The following SASS6 variants were observed in gnomAD, a reference collection of about 807,000 sequenced individuals.
The protein encoded by SASS6 is spindle assembly abnormal protein 6 homolog.
A neutral mutation model predicts 94.9 loss-of-function variants in SASS6; 59 were observed. That is an observed-to-expected ratio of 0.62 (90% confidence interval 0.50 to 0.77). The LOEUF is 0.77. SASS6 is among the 30% of genes least tolerant of loss of function. The pLI is 0.00. For synonymous variants in SASS6, 264 were observed against 270.0 expected (o/e 0.98, Z 0.22); for missense variants, 698 against 734.1 (o/e 0.95, Z 0.57).
chr1:100,102,962 C>A lies in SASS6; in HGVS notation c.1667G>T (p.Gly556Val). ...SAKNTSHPGSGTKVQFNLQFT... is the reference protein window; with the variant it reads ...SAKNTSHPGSVTKVQFNLQFT... ...ATTAGTTAATTTGGCTACCTTTGTT[C>A]CTGAACCAGGGTGGCTGGTATTTTT... The change falls in exon 14 of 17, where the codon GGA becomes GTA. Residue 556 changes from glycine to valine, a missense_variant. Gly to Val is a moderately radical substitution (Grantham distance 109, BLOSUM62 -3). Transcript: ENST00000287482. The A allele has an allele frequency of 6.2e-7, 1 of 1,610,076 alleles. No individual in the cohort carries two copies. The highest frequency in any genetic ancestry group is 8.5e-7 in the Non-Finnish European group (1 of 1,178,372).
intron 15 of SASS6, among the ~76,000 whole-genome samples, chr1:100,086,513 A>ATT (rs11327228): frequency 5.1e-5 from 7 of 136,148 alleles, no homozygotes; most frequent in Non-Finnish European, 1.1e-4. Context: ...TAATGATTTG[A>ATT]TTTTTTTTTT....
chr1:100,088,160 G>C lies in SASS6; in HGVS notation c.1751C>G (p.Pro584Arg). 1 of 1,592,100 alleles carries C rather than the reference G, an allele frequency of 6.3e-7. No homozygotes were observed. Among genetic ancestry groups the C allele is most frequent in the South Asian group, 1.1e-5 (1 of 90,474 alleles). ...TTACTTTTCCTTATCAGTTGAGCAAGGCATACTAATAGTTGCTCCTGACTG... is the reference window on the plus strand; with the variant it reads ...TTACTTTTCCTTATCAGTTGAGCAACGCATACTAATAGTTGCTCCTGACTG... ...DVQSGATISMPCSTDKENGEN... is the reference protein window; with the variant it reads ...DVQSGATISMRCSTDKENGEN... Residue 584 changes from proline to arginine, a missense_variant, in exon 15 of 17, where the codon CCT becomes CGT. Transcript: ENST00000287482.
Position 100,085,431 on chromosome 1 carries a change from T to C in SASS6, c.1871A>G (p.His624Arg), listed in dbSNP as rs1337666238. 4 of 1,608,388 alleles carry C rather than the reference T, an allele frequency of 2.5e-6. No individual in the cohort carries two copies. The highest frequency in any genetic ancestry group is 2.2e-5 in the East Asian group (1 of 44,878). The change falls in exon 17 of 17, where the codon CAT becomes CGT. Residue 624 changes from histidine (H) to arginine (R), a missense_variant. Transcript: ENST00000287482. ...TGCTCCTAAAGTGCCATCTCTCTGA[T>C]GGTCTGCAAATGAGGACAAAAAAAG... ...LSQNLFSNSDHQRDGTLGALH... is the reference protein window; with the variant it reads ...LSQNLFSNSDRQRDGTLGALH...
chr1:100,117,707 TA>T (rs1653902551), intron 7 of SASS6, among the ~76,000 whole-genome samples: 1 of 139,506 alleles, frequency 7.2e-6, no homozygotes, highest in African/African-American at 2.7e-5. Flanking sequence ...GAAAAGACAA[TA>T]AAAAATAATC....
At chr1:100,130,725 G>A (rs998373284) in intron 1 of SASS6, among the ~76,000 whole-genome samples, 1 of 150,922 alleles carries the variant, frequency 6.6e-6, no homozygotes, top group African/African-American at 2.4e-5. Flanking sequence ...AAGAGAGAGA[G>A]TCTGGGTTGT....
At position 100,085,261 on chromosome 1, in the gene SASS6, T is replaced by C. The variant is rs878916312; in HGVS notation, c.*67A>G. On this transcript the variant is annotated 3_prime_UTR_variant, in exon 17 of 17. Transcript: ENST00000287482. ...ACTTGCTATTTGAGGATCTGGTTTGTGTTGACATATTTTTTAAGCACCTGA... is the reference window on the plus strand; with the variant it reads ...ACTTGCTATTTGAGGATCTGGTTTGCGTTGACATATTTTTTAAGCACCTGA... 9.6e-5 allele frequency: 92 copies of C among 962,666 alleles called. No homozygotes were observed. The highest frequency in any genetic ancestry group is 9.2e-4 in the South Asian group (71 of 77,498). 59.6% of individuals were successfully genotyped at this position (962,666 alleles called of 1,614,324 possible).
chr1:100,114,194 C>T (rs1468943512), intron 7 of SASS6, among the ~76,000 whole-genome samples: 1 of 152,110 alleles, frequency 6.6e-6, no homozygotes, highest in Admixed American at 6.5e-5. Flanking sequence ...CTAATTGTAT[C>T]AGGCCCTCAA....
chr1:100,105,969 C>G, intron 12 of SASS6, 66 bp from the exon 13 acceptor site: 2 of 1,066,920 alleles, frequency 1.9e-6, no homozygotes, highest in Non-Finnish European at 2.6e-6. Flanking sequence ...TCATCTTAAA[C>G]ATTTAAAAAT....
chr1:100,128,776 G>A (rs1237816743), intron 1 of SASS6, among the ~76,000 whole-genome samples: 1 of 152,176 alleles, frequency 6.6e-6, no homozygotes, highest in Non-Finnish European at 1.5e-5. Context: ...ATTTAGTTAT[G>A]AGTTCTTCTA....
chr1:100,110,918 T>C (rs1653272938), intron 7 of SASS6, among the ~76,000 whole-genome samples: 2 of 152,134 alleles, frequency 1.3e-5, no homozygotes, highest in Non-Finnish European at 2.9e-5. Context: ...CTCGTATATA[T>C]GCTTTATAAT....
Position 100,085,885 on chromosome 1 carries a change from A to G in SASS6, c.1773-255T>C, listed in dbSNP as rs11166399. 0.044 allele frequency among the ~76,000 whole-genome samples: 6,725 copies of G among 152,258 alleles called. 172 individuals are homozygous for G. The highest frequency in any genetic ancestry group is 0.06 in the African/African-American group (2,498 of 41,524). ...GGATGGTGGGAAAAATGAAAATTCT[A>G]CAAGTGCTATAAAAATTTAAATACT... is the stretch of plus-strand genomic sequence containing the variant. On this transcript the variant is annotated intron_variant, in intron 15 of 16. Transcript: ENST00000287482.
intron 12 of SASS6, among the ~76,000 whole-genome samples, chr1:100,106,235 A>T (rs1405812917): frequency 6.6e-6 from 1 of 152,224 alleles, no homozygotes; most frequent in African/African-American, 2.4e-5. Flanking sequence ...TAAACTGAGA[A>T]AATGTTAGTT....
At position 100,107,673 on chromosome 1, in the gene SASS6, T is replaced by C. The variant is rs1305532743; in HGVS notation, c.1101A>G (p.Gly367=). ...ENGEKNQVQL[G]KLEATIKSLS... ...ATGATTTTATTGTAGCTTCAAGCTTTCCTAGTTGTACTTGATTTTTCTCAC... is the reference window on the plus strand; with the variant it reads ...ATGATTTTATTGTAGCTTCAAGCTTCCCTAGTTGTACTTGATTTTTCTCAC... Residue 367 remains glycine, a synonymous_variant, in exon 10 of 17, where the codon GGA becomes GGG. Transcript: ENST00000287482. 1.2e-6 allele frequency: 2 copies of C among 1,606,858 alleles called. No individual in the cohort carries two copies. The highest frequency in any genetic ancestry group is 8.5e-7 in the Non-Finnish European group (1 of 1,176,802).
intron 1 of SASS6, among the ~76,000 whole-genome samples, 178 bp downstream of exon 1, chr1:100,132,572 C>G (rs1183733514): frequency 6.6e-6 from 1 of 152,198 alleles, no homozygotes; most frequent in Non-Finnish European, 1.5e-5. Context: ...GTCCCCTCTG[C>G]AACGGCCGAC....
chr1:100,107,250 C>G (rs1214311671), intron 11 of SASS6, 124 bp downstream of exon 11: 2 of 656,012 alleles, frequency 3.0e-6, no homozygotes, highest in Non-Finnish European at 5.3e-6. Flanking sequence ...TCTACTCAAT[C>G]TAGTCATGTT....
intron 15 of SASS6, among the ~76,000 whole-genome samples, chr1:100,086,119 AAAG>A (rs1373438397): frequency 7.1e-6 from 1 of 141,334 alleles, no homozygotes; most frequent in Non-Finnish European, 1.6e-5. Context: ...TCTGGGGGAG[AAAG>A]AAGGGCATTT....
chr1:100,119,120 T>G lies in SASS6; in HGVS notation c.567A>C (p.Lys189Asn). 6.4e-7 allele frequency: 1 copy of G among 1,561,720 alleles called. No homozygotes were observed. Among genetic ancestry groups the G allele is most frequent in the Non-Finnish European group, 8.8e-7 (1 of 1,142,722 alleles). Reference protein sequence around the residue: ...DFTRKTLAEKKQELDKLRNEW... With the variant: ...DFTRKTLAEKNQELDKLRNEW... ...CATTCCGTAACTTATCTAATTCTTG[T>G]TTTTTTTCTGCTAATGTCTACATTA... is the stretch of plus-strand genomic sequence containing the variant. The change falls in exon 7 of 17, where the codon AAA becomes AAC. Residue 189 changes from lysine to asparagine, a missense_variant. Coordinates refer to ENST00000287482, the MANE Select transcript of SASS6 (RefSeq NM_194292.3).
chr1:100,119,221 G>T, intron 6 of SASS6, 84 bp from the exon 7 acceptor site: 3 of 711,386 alleles, frequency 4.2e-6, no homozygotes, highest in Admixed American at 3.9e-5. Flanking sequence ...TATTTACAAG[G>T]ATATTAAAGA....
intron 1 of SASS6, among the ~76,000 whole-genome samples, chr1:100,131,509 TAGTA>T (rs1348480995): frequency 1.3e-5 from 2 of 152,244 alleles, no homozygotes; most frequent in South Asian, 4.1e-4. Context: ...TCTTTTTTCA[TAGTA>T]AGTCTTAAAA....
Sources: allele counts gnomAD v4.1 joint callset (sites outside exome capture counted in the v4.1 genomes callset), GRCh38; gene constraint gnomAD v4.1.1; transcripts MANE v1.5; gene names NCBI Gene and HGNC (gene_info 2026-07-23, HGNC 2026-07-21).